DSCAM: variants seen among roughly 807,000 people sequenced by gnomAD.
The protein encoded by DSCAM is cell adhesion molecule DSCAM.
A neutral mutation model predicts 217.7 loss-of-function variants in DSCAM; 47 were observed. The ratio of observed to expected loss-of-function variants is 0.22; its 90% confidence interval spans 0.17 to 0.28. The LOEUF (loss-of-function observed/expected upper bound fraction) is 0.28, where lower values mean the gene tolerates loss of function less well. Among genes scored for constraint, DSCAM ranks in the 10% least tolerant of loss-of-function variants. DSCAM has a pLI of 1.00. For missense variants in DSCAM, 2,080 were observed against 2,618.3 expected (o/e 0.79, Z 4.49); for synonymous variants, 1,056 against 1,015.3 (o/e 1.04, Z -0.76).
At chr21:40,808,790 TGAA>T (rs1390740610) in intron 1 of DSCAM, among the ~76,000 whole-genome samples, 1 of 152,122 alleles carries the variant, frequency 6.6e-6, no homozygotes, top group Non-Finnish European at 1.5e-5. Context: ...CTCATAAAGT[TGAA>T]GAAGACTTTG....
intron 3 of DSCAM, among the ~76,000 whole-genome samples, chr21:40,579,808 ACTACTATCAGACCTTCACCAC>A (rs2076888985): frequency 1.3e-5 from 2 of 149,716 alleles, no homozygotes; most frequent in Non-Finnish European, 3.0e-5. Flanking sequence ...AAAAGAATGT[ACTACTATCAGACCTTCACCAC>A]AAAAAAAAGT....
At chr21:40,753,821 G>A (rs1601215090) in intron 1 of DSCAM, among the ~76,000 whole-genome samples, 1 of 152,294 alleles carries the variant, frequency 6.6e-6, no homozygotes, top group South Asian at 2.1e-4. Context: ...AAGTTTTATA[G>A]AACGAATGAA....
At chr21:40,286,512 C>T (rs1004356177) in intron 10 of DSCAM, among the ~76,000 whole-genome samples, 3 of 152,308 alleles carry the variant, frequency 2.0e-5, no homozygotes, top group Non-Finnish European at 4.4e-5. Context: ...CCCAACTGGG[C>T]CCTATGAACG....
intron 11 of DSCAM, among the ~76,000 whole-genome samples, chr21:40,270,606 A>C (rs2073602555): frequency 6.6e-6 from 1 of 152,196 alleles, no homozygotes; most frequent in Non-Finnish European, 1.5e-5. Flanking sequence ...CTGTGTTCCT[A>C]CCCAAATCTC....
intron 3 of DSCAM, among the ~76,000 whole-genome samples, chr21:40,369,903 G>A (rs1332800967): frequency 6.6e-6 from 1 of 151,972 alleles, no homozygotes; most frequent in African/African-American, 2.4e-5. Context: ...AATTTTTAAA[G>A]GGACTGTTCA....
At chr21:40,695,643 T>C (rs997437988) in intron 2 of DSCAM, among the ~76,000 whole-genome samples, 2 of 152,254 alleles carry the variant, frequency 1.3e-5, no homozygotes, top group South Asian at 2.1e-4. Context: ...TCCACAAAGA[T>C]AGCCTGTGCA....
chr21:40,339,749 AAC>A (rs2123593837), intron 6 of DSCAM, among the ~76,000 whole-genome samples: 1 of 38,690 alleles, frequency 2.6e-5, no homozygotes, highest in Non-Finnish European at 7.8e-5. Flanking sequence ...CAAAGTTATA[AAC>A]AGACGGAAAA....
chr21:40,559,859 C>G (rs1329704946), intron 3 of DSCAM, among the ~76,000 whole-genome samples: 3 of 144,210 alleles, frequency 2.1e-5, no homozygotes, highest in African/African-American at 7.9e-5. Flanking sequence ...GTGGCGCGAT[C>G]TCGGCTCACT....
chr21:40,731,824 G>A (rs1329511853), intron 1 of DSCAM, among the ~76,000 whole-genome samples: 1 of 147,214 alleles, frequency 6.8e-6, no homozygotes, highest in South Asian at 2.2e-4. Context: ...TGCCTCCCGG[G>A]TTCAAGTGAT....
intron 1 of DSCAM, among the ~76,000 whole-genome samples, chr21:40,834,423 ATAAAAT>A (rs1486425804): frequency 2.7e-5 from 3 of 109,690 alleles, no homozygotes; most frequent in Non-Finnish European, 3.7e-5. Flanking sequence ...AATAATAATA[ATAAAAT>A]AATAATAATA....
intron 3 of DSCAM, among the ~76,000 whole-genome samples, chr21:40,507,397 G>A (rs975965005): frequency 2.6e-5 from 4 of 152,096 alleles, no homozygotes; most frequent in African/African-American, 7.2e-5. Context: ...TTTGTCTTAC[G>A]GGTAAAAAAT....
At chr21:40,155,003 C>T (rs868074673) in intron 16 of DSCAM, among the ~76,000 whole-genome samples, 6 of 152,216 alleles carry the variant, frequency 3.9e-5, no homozygotes, top group South Asian at 2.1e-4. Context: ...TTGAGGTTAA[C>T]TACTGCAAAG....
At chr21:40,683,966 C>T (rs1475228023) in intron 3 of DSCAM, among the ~76,000 whole-genome samples, 3 of 152,012 alleles carry the variant, frequency 2.0e-5, no homozygotes, top group Non-Finnish European at 4.4e-5. Context: ...GTGGCTCACA[C>T]CTATAATCCC....
chr21:40,187,406 T>A, intron 13 of DSCAM, 147 bp from the exon 14 acceptor site: 1 of 1,143,434 alleles, frequency 8.7e-7, no homozygotes, highest in Non-Finnish European at 1.2e-6. Context: ...TTCTTTTTCC[T>A]AATCACATTT....
rs182318671 is a variant in DSCAM at position 40,761,488 on chromosome 21, T to C, written c.44-52717A>G. 1.8e-3 allele frequency among the ~76,000 whole-genome samples: 266 copies of C among 147,280 alleles called. 5 individuals are homozygous for C. The highest frequency in any genetic ancestry group is 0.014 in the Admixed American group (201 of 14,724). The stretch of plus-strand genomic sequence containing the variant: ...AGGGAGAACATCATGTGATCATGAA[T>C]ACAGACATCCACCAGCTAAGGAGAG... On this transcript the variant is annotated intron_variant, in intron 1 of 32. Coordinates refer to ENST00000400454, the MANE Select transcript of DSCAM (RefSeq NM_001389.5).
chr21:40,621,517 GGA>G (rs2089516737), intron 3 of DSCAM: 1 of 152,142 alleles, frequency 6.6e-6, no homozygotes, highest in Non-Finnish European at 1.5e-5. Flanking sequence ...AATGCTGACT[GGA>G]TGCCCTTTGC....
At chr21:40,033,466 C>T (rs575515814) in intron 32 of DSCAM, among the ~76,000 whole-genome samples, 12 of 152,222 alleles carry the variant, frequency 7.9e-5, no homozygotes, top group South Asian at 6.2e-4. Context: ...GCTTTTCTGA[C>T]GAGCTTAAAA....
intron 30 of DSCAM, 147 bp from the exon 31 acceptor site, chr21:40,044,422 A>G: frequency 1.4e-6 from 1 of 732,176 alleles, no homozygotes. Flanking sequence ...TGTGCAGAGG[A>G]TACTTTCCCT....
At chr21:40,813,644 TG>T (rs1242122510) in intron 1 of DSCAM, among the ~76,000 whole-genome samples, 37 of 149,876 alleles carry the variant, frequency 2.5e-4, no homozygotes, top group African/African-American at 9.0e-4. Context: ...CTTTCTTTCT[TG>T]TTTTTTTTTT....
Sources: gnomAD v4.1 joint callset for allele counts (sites outside exome capture counted in the v4.1 genomes callset) on GRCh38, gnomAD v4.1.1 for gene constraint, MANE v1.5 for transcripts, NCBI Gene and HGNC (gene_info 2026-07-23, HGNC 2026-07-21) for gene names.